PITPNM3: variants seen among roughly 807,000 people sequenced by gnomAD.
PITPNM3 encodes PITPNM family member 3.
A neutral mutation model predicts 102.0 loss-of-function variants in PITPNM3; 26 were observed. The observed-to-expected ratio is 0.25, with a 90% CI of 0.19 to 0.35. PITPNM3 has a LOEUF of 0.35. Ranked by LOEUF, PITPNM3 falls within the 10% of genes least tolerant of loss-of-function variation. The pLI, the probability that PITPNM3 is intolerant of heterozygous loss-of-function variation, is 1.00. For synonymous variants in PITPNM3, 578 were observed against 558.6 expected (o/e 1.03, Z -0.49); for missense variants, 1,083 against 1,346.1 (o/e 0.80, Z 3.06).
In PITPNM3 at chr17:6,457,942, G is replaced by T. The variant is rs888446888; in HGVS notation, c.2491-220C>A. On this transcript the variant is annotated intron_variant, in intron 18 of 19. Transcript: ENST00000262483. The surrounding 1 kb of genome is among the most constrained non-coding windows in gnomAD (Gnocchi z 4.7). ...AGGTCTCTGCCCAGTAAACAGTCGT[G>T]ACCACACCATTTACCGGCCCCGCCT... Among the ~76,000 whole-genome samples the T allele has an allele frequency of 4.0e-5, 6 of 149,632 alleles. No homozygotes were observed. Among genetic ancestry groups the T allele is most frequent in the African/African-American group, 1.5e-4 (6 of 40,492 alleles).
chr17:6,501,514 A>AC (rs1907174512), intron 4 of PITPNM3, among the ~76,000 whole-genome samples: 1 of 152,138 alleles, frequency 6.6e-6, no homozygotes, highest in Non-Finnish European at 1.5e-5. Context: ...AGGCAACGGG[A>AC]CACCAGCCCT....
At chr17:6,456,013 T>C in intron 19 of PITPNM3, among the ~76,000 whole-genome samples, 1 of 151,764 alleles carries the variant, frequency 6.6e-6, no homozygotes, top group Non-Finnish European at 1.5e-5. Flanking sequence ...TCTTTCCTAT[T>C]TTATTTTAAT....
intron 15 of PITPNM3, 112 bp downstream of exon 15, chr17:6,464,543 C>G: frequency 8.3e-7 from 1 of 1,210,002 alleles, no homozygotes; most frequent in South Asian, 1.4e-5. Flanking sequence ...CCCTGTGCTT[C>G]CACCCCAGGC....
chr17:6,543,897 G>A (rs1909866439), intron 1 of PITPNM3, among the ~76,000 whole-genome samples: 1 of 152,218 alleles, frequency 6.6e-6, no homozygotes, highest in Non-Finnish European at 1.5e-5. Context: ...GTGGGAGGAA[G>A]GGAGAGACAC....
At chr17:6,514,481 G>A (rs1367262222) in intron 3 of PITPNM3, among the ~76,000 whole-genome samples, 2 of 152,118 alleles carry the variant, frequency 1.3e-5, no homozygotes, top group Non-Finnish European at 1.5e-5. Context: ...ATAAACAAAC[G>A]ATGAATAAGC....
At chr17:6,461,327 C>T in intron 18 of PITPNM3, 46 bp downstream of exon 18, 1 of 1,588,694 alleles carries the variant, frequency 6.3e-7, no homozygotes, top group South Asian at 1.1e-5. Context: ...GAGAGGAGGG[C>T]TGCGCTCTCA....
At chr17:6,460,978 AGAAAGCACATCCGGGTCACG>A (rs1178967036) in intron 18 of PITPNM3, 25 of 324,648 alleles carry the variant, frequency 7.7e-5, no homozygotes, top group Middle Eastern at 1.1e-3. Context: ...TCTGGGTCAC[AGAAAGCACATCCGGGTCACG>A]GAAAGCACAT....
At chr17:6,493,694 C>G (rs753817284) in intron 4 of PITPNM3, among the ~76,000 whole-genome samples, 1 of 152,254 alleles carries the variant, frequency 6.6e-6, no homozygotes, top group African/African-American at 2.4e-5. Flanking sequence ...CACCTGGATT[C>G]ATCTGACTAA....
At chr17:6,519,556 G>A (rs559468100) in intron 3 of PITPNM3, among the ~76,000 whole-genome samples, 1 of 151,082 alleles carries the variant, frequency 6.6e-6, no homozygotes, top group South Asian at 2.1e-4. Context: ...AAGGCTGGAT[G>A]CAGTGGCTCA....
chr17:6,526,319 T>G (rs1908831726), intron 2 of PITPNM3, among the ~76,000 whole-genome samples: 1 of 152,190 alleles, frequency 6.6e-6, no homozygotes, highest in Non-Finnish European at 1.5e-5. Flanking sequence ...AAGGGACATT[T>G]CTTCAAAGAC....
intron 9 of PITPNM3, 32 bp from the exon 10 acceptor site, chr17:6,474,636 G>A: frequency 1.3e-6 from 2 of 1,545,632 alleles, no homozygotes; most frequent in Non-Finnish European, 1.7e-6. Flanking sequence ...GGGCAGGGCA[G>A]GTCAGGGAAG....
chr17:6,455,557 G>A lies in PITPNM3; in HGVS notation c.2706C>T (p.Ile902=), dbSNP rs535998758. ...GCAGCCCGAAGCTGCCCTTGCGCAG[G>A]ATCATGCGCGAGTTGTTCTTCTTTG... The part of the protein sequence containing the change: ...SRPKKNNSRM[I]LRKGSFGLHA... Residue 902 remains isoleucine (I), a synonymous_variant, in exon 20 of 20, where the codon ATC becomes ATT. Coordinates refer to ENST00000262483, the MANE Select transcript of PITPNM3 (RefSeq NM_031220.4). 4.4e-5 allele frequency: 71 copies of A among 1,602,936 alleles called. No individual in the cohort carries two copies. The East Asian group carries it at 1.3e-3, about 29-fold the overall frequency.
At chr17:6,507,469 A>G (rs573773462) in intron 3 of PITPNM3, among the ~76,000 whole-genome samples, 1 of 152,174 alleles carries the variant, frequency 6.6e-6, no homozygotes, top group South Asian at 2.1e-4. Flanking sequence ...CTGTAATCCC[A>G]GCTACTAGGG....
chr17:6,502,058 T>C (rs1456616428), intron 4 of PITPNM3, among the ~76,000 whole-genome samples: 2 of 152,248 alleles, frequency 1.3e-5, no homozygotes, highest in East Asian at 1.9e-4. Context: ...GATGCCCTTA[T>C]GGCCTGAGCC....
chr17:6,465,275 A>C (rs111905910), intron 14 of PITPNM3, among the ~76,000 whole-genome samples: 2,937 of 152,128 alleles, frequency 0.019, 111 homozygotes, highest in African/African-American at 0.067. Context: ...CGAACTCCCG[A>C]CCTCAGGTGA....
intron 4 of PITPNM3, among the ~76,000 whole-genome samples, chr17:6,501,098 TTG>T (rs1184029227): frequency 6.6e-6 from 1 of 152,212 alleles, no homozygotes; most frequent in African/African-American, 2.4e-5. Flanking sequence ...ATCAATTCAA[TTG>T]TGTCTGTGGA....
intron 9 of PITPNM3, 21 bp from the exon 10 acceptor site, chr17:6,474,625 A>T: frequency 1.3e-6 from 2 of 1,549,980 alleles, no homozygotes. Context: ...AGGAGGACGC[A>T]GGGCAGGGCA....
chr17:6,456,558 G>A (rs769846212), intron 19 of PITPNM3, among the ~76,000 whole-genome samples: 4 of 152,044 alleles, frequency 2.6e-5, no homozygotes, highest in Admixed American at 6.6e-5. Flanking sequence ...CCCTCTCCCC[G>A]CCCCTAGGCC....
At chr17:6,534,918 T>C (rs538615262) in intron 2 of PITPNM3, among the ~76,000 whole-genome samples, 1 of 151,408 alleles carries the variant, frequency 6.6e-6, no homozygotes. Flanking sequence ...AGCCCAGGAG[T>C]TGGCTGCAAG....
Sources: allele counts gnomAD v4.1 joint callset (sites outside exome capture counted in the v4.1 genomes callset), GRCh38; gene constraint gnomAD v4.1.1; non-coding constraint Gnocchi (gnomAD v3.1); transcripts MANE v1.5; gene names NCBI Gene and HGNC (gene_info 2026-07-23, HGNC 2026-07-21).